Variants in KLF12 observed in about 807,000 individuals in gnomAD.
KLF12 encodes KLF transcription factor 12.
A neutral mutation model predicts 37.8 loss-of-function variants in KLF12; 9 were observed. The observed-to-expected ratio is 0.24, with a 90% CI of 0.14 to 0.42. KLF12 has a LOEUF of 0.42. KLF12 is among the 10% of genes least tolerant of loss of function. KLF12 has a pLI of 1.00. For missense variants in KLF12, 411 were observed against 516.0 expected, an observed-to-expected ratio of 0.80 and a Z score of 1.97; for synonymous variants, 208 against 202.1, an observed-to-expected ratio of 1.03 and a Z score of -0.25.
At chr13:74,238,810 G>A in the KLF12 span, among the ~76,000 whole-genome samples, 3,385 of 151,986 alleles carry the variant, frequency 0.022, 90 homozygotes, top group African/African-American at 0.06. Context: ...TTTTTATTGC[G>A]TCTACTTGAT....
At chr13:73,905,874 AT>A (rs1888260488) in intron 3 of KLF12, among the ~76,000 whole-genome samples, 1 of 150,802 alleles carries the variant, frequency 6.6e-6, no homozygotes, top group African/African-American at 2.5e-5. Context: ...CCAAACAGAT[AT>A]CTTTTCCTCA....
At chr13:73,837,452 A>C (rs1594151574) in intron 4 of KLF12, among the ~76,000 whole-genome samples, 1 of 152,176 alleles carries the variant, frequency 6.6e-6, no homozygotes, top group Non-Finnish European at 1.5e-5. Flanking sequence ...GAAGTGAAAA[A>C]ATGCAGATAA....
intron 2 of KLF12, among the ~76,000 whole-genome samples, chr13:73,975,548 G>A (rs924540255): frequency 1.3e-5 from 2 of 151,982 alleles, no homozygotes; most frequent in African/African-American, 2.4e-5. Context: ...TTTATTTCTC[G>A]ATCCAGTGCT....
At chr13:74,084,059 T>C (rs1206613248) in intron 1 of KLF12, among the ~76,000 whole-genome samples, 3 of 152,158 alleles carry the variant, frequency 2.0e-5, no homozygotes, top group Middle Eastern at 3.2e-3. Context: ...AATAATAAAA[T>C]CATCTATTTT....
intron 6 of KLF12, among the ~76,000 whole-genome samples, chr13:73,738,112 T>TCTGTAC: frequency 1.3e-5 from 1 of 74,758 alleles, no homozygotes; most frequent in Non-Finnish European, 2.7e-5. Flanking sequence ...TATATATATA[T>TCTGTAC]ATATATATAT....
intron 6 of KLF12, among the ~76,000 whole-genome samples, chr13:73,727,190 T>C (rs1253578464): frequency 3.3e-5 from 5 of 152,232 alleles, no homozygotes; most frequent in Non-Finnish European, 7.3e-5. Flanking sequence ...AGATATATAA[T>C]TCTCAAATAT....
the KLF12 span, among the ~76,000 whole-genome samples, chr13:74,225,792 G>T: frequency 6.6e-6 from 1 of 152,114 alleles, no homozygotes; most frequent in Non-Finnish European, 1.5e-5. Flanking sequence ...GTTAGGGAGA[G>T]AAAAAGTGAT....
At chr13:73,909,555 C>T (rs1238548460) in intron 3 of KLF12, among the ~76,000 whole-genome samples, 5 of 152,180 alleles carry the variant, frequency 3.3e-5, no homozygotes, top group Non-Finnish European at 5.9e-5. Flanking sequence ...ATCCTGGCCA[C>T]ATATACCTAA....
the KLF12 span, among the ~76,000 whole-genome samples, chr13:74,285,236 T>C: frequency 6.6e-6 from 1 of 152,116 alleles, no homozygotes; most frequent in Non-Finnish European, 1.5e-5. Context: ...GCATCTGCAG[T>C]CTCAAAGCTC....
At chr13:74,239,033 A>C in the KLF12 span, among the ~76,000 whole-genome samples, 25 of 149,146 alleles carry the variant, frequency 1.7e-4, no homozygotes, top group African/African-American at 6.2e-4. Flanking sequence ...TTGTGATGTT[A>C]GGGTGTCAAT....
At chr13:74,171,423 T>C in the KLF12 span, among the ~76,000 whole-genome samples, 1 of 152,132 alleles carries the variant, frequency 6.6e-6, no homozygotes, top group Non-Finnish European at 1.5e-5. Context: ...GCGGAGGGAC[T>C]CTGGAACTTC....
chr13:74,281,952 A>C, the KLF12 span, among the ~76,000 whole-genome samples: 1 of 152,152 alleles, frequency 6.6e-6, no homozygotes, highest in African/African-American at 2.4e-5. Flanking sequence ...GCATTCACAA[A>C]TAATATCCTC....
chr13:74,248,630 T>A, the KLF12 span, among the ~76,000 whole-genome samples: 3 of 152,150 alleles, frequency 2.0e-5, no homozygotes, highest in African/African-American at 7.2e-5. Flanking sequence ...TTTAAACATG[T>A]GGTACAACAA....
At chr13:74,003,464 G>C (rs1593821683) in intron 1 of KLF12, among the ~76,000 whole-genome samples, 2 of 152,258 alleles carry the variant, frequency 1.3e-5, no homozygotes, top group African/African-American at 4.8e-5. Context: ...GATATGAAAG[G>C]GGGATTCATT....
chr13:73,932,576 G>A (rs1161045607), intron 3 of KLF12, among the ~76,000 whole-genome samples: 4 of 152,156 alleles, frequency 2.6e-5, no homozygotes, highest in Admixed American at 2.6e-4. Context: ...AATATGTGGT[G>A]TCAGTTCTGC....
At position 73,691,425 on chromosome 13, in the gene KLF12, T is replaced by C. The variant is rs7993625; in HGVS notation, c.*4065A>G. 0.63 allele frequency: 95,483 copies of C among 152,528 alleles called. 31,928 individuals are homozygous for C. The highest frequency in any genetic ancestry group is 0.74 in the Non-Finnish European group (50,056 of 67,992). 9.4% of individuals were successfully genotyped at this position (152,528 alleles called of 1,614,324 possible). A position where few individuals can be genotyped will look rare whatever the true frequency, so the allele number is the denominator to read the frequency against. The stretch of plus-strand genomic sequence containing the variant: ...TTACCTGCTAAGTTTACAGGCAACA[T>C]TGAAGAGCAAAATCTGAGACTGGAT... On this transcript the variant is annotated 3_prime_UTR_variant, in exon 8 of 8. Coordinates refer to ENST00000377669, the MANE Select transcript of KLF12 (RefSeq NM_007249.5).
chr13:73,810,666 A>ACACACAC (rs1594117764), intron 5 of KLF12, among the ~76,000 whole-genome samples: 5 of 109,930 alleles, frequency 4.5e-5, no homozygotes, highest in African/African-American at 1.3e-4. Flanking sequence ...CACACACACA[A>ACACACAC]ATTAAATACA....
intron 3 of KLF12, among the ~76,000 whole-genome samples, chr13:73,926,626 CTCTCTT>C (rs1566463950): frequency 6.2e-5 from 6 of 96,618 alleles, no homozygotes; most frequent in Non-Finnish European, 2.5e-5. Context: ...TTTTCTCTCT[CTCTCTT>C]TTTTTTTTTT....
chr13:74,003,150 A>C (rs913160205), intron 1 of KLF12, among the ~76,000 whole-genome samples: 1 of 152,378 alleles, frequency 6.6e-6, no homozygotes, highest in East Asian at 1.9e-4. Flanking sequence ...TGCCATCCTT[A>C]GTAACACCAT....
Sources: gnomAD v4.1 joint callset for allele counts (sites outside exome capture counted in the v4.1 genomes callset) on GRCh38, gnomAD v4.1.1 for gene constraint, MANE v1.5 for transcripts, NCBI Gene and HGNC (gene_info 2026-07-23, HGNC 2026-07-21) for gene names.